GALNT17: variants seen among roughly 807,000 people sequenced by gnomAD.
The protein encoded by GALNT17 is polypeptide N-acetylgalactosaminyltransferase 17.
GALNT17 carries 29 observed loss-of-function variants against 63.7 expected under a neutral mutation model. The observed-to-expected ratio is 0.46, with a 90% CI of 0.34 to 0.62. The LOEUF is 0.62. Among genes scored for constraint, GALNT17 ranks in the 20% least tolerant of loss-of-function variants. The pLI is 0.01. For synonymous variants in GALNT17, 305 were observed against 318.3 expected (o/e 0.96, Z 0.45); for missense variants, 603 against 799.6 (o/e 0.75, Z 2.97).
intron 5 of GALNT17, among the ~76,000 whole-genome samples, chr7:71,506,410 G>A (rs1339750103): frequency 6.6e-6 from 1 of 151,962 alleles, no homozygotes; most frequent in Non-Finnish European, 1.5e-5. Context: ...GGGATTACAG[G>A]CACCTGCCCC....
At chr7:71,273,950 T>G (rs755176740) in intron 1 of GALNT17, among the ~76,000 whole-genome samples, 1 of 152,190 alleles carries the variant, frequency 6.6e-6, no homozygotes, top group Non-Finnish European at 1.5e-5. Flanking sequence ...GAGACTCATT[T>G]CAGGGATGTG....
At chr7:71,605,927 G>A (rs758916407) in intron 6 of GALNT17, among the ~76,000 whole-genome samples, 3 of 152,012 alleles carry the variant, frequency 2.0e-5, no homozygotes, top group Non-Finnish European at 4.4e-5. Context: ...CACAGTGAAT[G>A]AGGCTTACCC....
chr7:71,603,262 T>A (rs1290739867), intron 6 of GALNT17, among the ~76,000 whole-genome samples: 1 of 152,038 alleles, frequency 6.6e-6, no homozygotes, highest in African/African-American at 2.4e-5. Context: ...ATATACCAGT[T>A]ACTATGCTAA....
intron 1 of GALNT17, among the ~76,000 whole-genome samples, chr7:71,178,197 A>G (rs1788672762): frequency 6.6e-6 from 1 of 152,148 alleles, no homozygotes; most frequent in South Asian, 2.1e-4. Flanking sequence ...TTCTGGGTTG[A>G]CAGTTTTTAA....
intron 1 of GALNT17, among the ~76,000 whole-genome samples, chr7:71,303,091 C>T (rs1791229896): frequency 6.6e-6 from 1 of 151,804 alleles, no homozygotes; most frequent in Admixed American, 6.6e-5. Flanking sequence ...TCTTGATCTC[C>T]TGACCTCATG....
In GALNT17 at chr7:71,466,383, C is replaced by G. The variant is rs554998468; in HGVS notation, c.962+45278C>G. 2.6e-5 allele frequency among the ~76,000 whole-genome samples: 4 copies of G among 152,274 alleles called. No individual in the cohort carries two copies. In the South Asian group the frequency reaches 8.3e-4, roughly 32 times the overall value. On this transcript the variant is annotated intron_variant, in intron 5 of 10. Coordinates refer to ENST00000333538, the MANE Select transcript of GALNT17 (RefSeq NM_022479.3). Reference sequence around the variant, plus strand: ...GATCATAAGACTGACAAAACAGACTCTTTGTAGCAATAAGGTACCAACTTC... The same window carrying G: ...GATCATAAGACTGACAAAACAGACTGTTTGTAGCAATAAGGTACCAACTTC...
At chr7:71,374,344 G>A (rs957115124) in intron 2 of GALNT17, among the ~76,000 whole-genome samples, 1 of 152,210 alleles carries the variant, frequency 6.6e-6, no homozygotes, top group Non-Finnish European at 1.5e-5. Flanking sequence ...ATGAGATAAT[G>A]TATAGGCTGT....
chr7:71,202,936 AT>A (rs1789201453), intron 1 of GALNT17, among the ~76,000 whole-genome samples: 1 of 152,176 alleles, frequency 6.6e-6, no homozygotes, highest in African/African-American at 2.4e-5. Context: ...GTTGTTGCAA[AT>A]GACAGGATTT....
intron 5 of GALNT17, among the ~76,000 whole-genome samples, chr7:71,563,620 ACT>A (rs1364290747): frequency 6.6e-6 from 1 of 151,568 alleles, no homozygotes; most frequent in African/African-American, 2.4e-5. Context: ...ACAGGGTCTC[ACT>A]CTGTCACCCA....
intron 6 of GALNT17, among the ~76,000 whole-genome samples, chr7:71,619,715 A>G (rs1205496010): frequency 6.6e-6 from 1 of 152,102 alleles, no homozygotes; most frequent in Non-Finnish European, 1.5e-5. Flanking sequence ...GGTTTTCTAG[A>G]TATACAGTTT....
chr7:71,333,786 C>T (rs1791849146), intron 1 of GALNT17, among the ~76,000 whole-genome samples: 3 of 152,194 alleles, frequency 2.0e-5, no homozygotes. Flanking sequence ...CCACTGTGCC[C>T]AGCCTATATT....
chr7:71,535,777 C>A (rs1788793686), intron 5 of GALNT17, among the ~76,000 whole-genome samples: 1 of 152,188 alleles, frequency 6.6e-6, no homozygotes, highest in Admixed American at 6.5e-5. Flanking sequence ...ATTAAGAAGA[C>A]AGATGCCATT....
chr7:71,370,549 A>T (rs139450355), intron 2 of GALNT17, among the ~76,000 whole-genome samples: 16 of 151,260 alleles, frequency 1.1e-4, no homozygotes, highest in Admixed American at 4.0e-4. Context: ...CAGTTGTGTG[A>T]TCTCGGCTCA....
chr7:71,643,387 G>C (rs921447183), intron 6 of GALNT17, among the ~76,000 whole-genome samples: 6 of 152,104 alleles, frequency 3.9e-5, no homozygotes, highest in African/African-American at 1.4e-4. Context: ...AGAATCGCTT[G>C]AACCCAGGAG....
At chr7:71,421,343 A>T (rs1199820016) in intron 5 of GALNT17, among the ~76,000 whole-genome samples, 2 of 152,216 alleles carry the variant, frequency 1.3e-5, no homozygotes, top group East Asian at 3.9e-4. Flanking sequence ...AGAAGTTTCA[A>T]ACTGATAGTA....
chr7:71,478,389 C>A (rs1787758879), intron 5 of GALNT17, among the ~76,000 whole-genome samples: 1 of 152,070 alleles, frequency 6.6e-6, no homozygotes, highest in South Asian at 2.1e-4. Flanking sequence ...TCATGGCTCA[C>A]TGCAGCCTGG....
At chr7:71,471,871 A>T (rs967219502) in intron 5 of GALNT17, among the ~76,000 whole-genome samples, 5 of 150,684 alleles carry the variant, frequency 3.3e-5, no homozygotes, top group African/African-American at 1.2e-4. Context: ...AAATAACCCA[A>T]ATTTCCCTAA....
Position 71,560,158 on chromosome 7 carries a change from C to T in GALNT17, c.963-11127C>T, listed in dbSNP as rs911787003. 1.8e-4 allele frequency among the ~76,000 whole-genome samples: 24 copies of T among 131,558 alleles called. 1 individual carries two copies. The highest frequency in any genetic ancestry group is 2.3e-4 in the Non-Finnish European group (15 of 64,934). 86.3% of individuals were successfully genotyped at this position (131,558 alleles called of 152,430 possible). ...GCAGTGAGCCAAGATCATGCCACTGCGGTCCAGCCCAGGGGACAGAGTGAG... is the reference window on the plus strand; with the variant it reads ...GCAGTGAGCCAAGATCATGCCACTGTGGTCCAGCCCAGGGGACAGAGTGAG... On this transcript the variant is annotated intron_variant, in intron 5 of 10. Coordinates refer to ENST00000333538, the MANE Select transcript of GALNT17 (RefSeq NM_022479.3).
intron 1 of GALNT17, among the ~76,000 whole-genome samples, chr7:71,201,735 A>C (rs1011458737): frequency 6.6e-6 from 1 of 151,750 alleles, no homozygotes; most frequent in Non-Finnish European, 1.5e-5. Context: ...GGGTTCAAGC[A>C]ATTCGCCTCC....
Sources: allele counts gnomAD v4.1 joint callset (sites outside exome capture counted in the v4.1 genomes callset), GRCh38; gene constraint gnomAD v4.1.1; transcripts MANE v1.5; gene names NCBI Gene and HGNC (gene_info 2026-07-23, HGNC 2026-07-21).